ZNG1B: variants seen among roughly 807,000 people sequenced by gnomAD.
The protein encoded by ZNG1B is Zn regulated GTPase metalloprotein activator 1B.
At chr2:113,464,763 G>A in the ZNG1B span, among the ~76,000 whole-genome samples, 3 of 150,630 alleles carry the variant, frequency 2.0e-5, no homozygotes, top group Non-Finnish European at 3.0e-5. Flanking sequence ...AGTGACCACC[G>A]TAAAAATTTT....
At chr2:113,469,961 G>C in the ZNG1B span, 1 of 149,926 alleles carries the variant, frequency 6.7e-6, no homozygotes, top group Non-Finnish European at 1.5e-5. Flanking sequence ...CCTCAGCTTT[G>C]ATTATGAGAA....
At chr2:113,488,189 G>A in the ZNG1B span, among the ~76,000 whole-genome samples, 3 of 152,086 alleles carry the variant, frequency 2.0e-5, no homozygotes, top group African/African-American at 4.8e-5. Flanking sequence ...CACATCTCCC[G>A]ACTCTGTGCA....
At chr2:113,494,959 T>C in the ZNG1B span, 2 of 894,716 alleles carry the variant, frequency 2.2e-6, no homozygotes, top group Non-Finnish European at 2.9e-6. Flanking sequence ...AAGAAACTTC[T>C]TGTAATTCAC....
the ZNG1B span, chr2:113,462,698 G>C: frequency 1.6e-6 from 1 of 615,876 alleles, no homozygotes. Flanking sequence ...GCAGAATATA[G>C]TTCACAGTTA....
At chr2:113,458,108 A>G in the ZNG1B span, among the ~76,000 whole-genome samples, 1 of 151,180 alleles carries the variant, frequency 6.6e-6, no homozygotes, top group Non-Finnish European at 1.5e-5. Flanking sequence ...ATATTTTGCA[A>G]AAATTTTTTC....
chr2:113,490,709 T>A, the ZNG1B span, among the ~76,000 whole-genome samples: 1 of 151,968 alleles, frequency 6.6e-6, no homozygotes, highest in Non-Finnish European at 1.5e-5. Flanking sequence ...CACCTTTACA[T>A]GCATAAACTA....
At chr2:113,439,874 ATTTTTTT>A in the ZNG1B span, among the ~76,000 whole-genome samples, 36 of 68,886 alleles carry the variant, frequency 5.2e-4, 1 homozygote, top group South Asian at 1.8e-3. Flanking sequence ...CCTTCCCTTA[ATTTTTTT>A]TTTTTTTTTT....
At chr2:113,485,908 A>G in the ZNG1B span, among the ~76,000 whole-genome samples, 1 of 152,130 alleles carries the variant, frequency 6.6e-6, no homozygotes, top group Non-Finnish European at 1.5e-5. Context: ...TTTAGAGACA[A>G]TTCCTCATTT....
the ZNG1B span, chr2:113,470,006 T>C: frequency 1.3e-5 from 2 of 149,906 alleles, no homozygotes; most frequent in South Asian, 2.1e-4. Flanking sequence ...TTTTTTTTTT[T>C]CTTTTGAGGC....
At chr2:113,473,950 T>A in the ZNG1B span, among the ~76,000 whole-genome samples, 9 of 147,760 alleles carry the variant, frequency 6.1e-5, no homozygotes, top group East Asian at 1.7e-3. Context: ...AAAATTCTCT[T>A]TTTTGGTTGT....
the ZNG1B span, among the ~76,000 whole-genome samples, chr2:113,477,239 C>G: frequency 6.6e-6 from 1 of 152,144 alleles, no homozygotes; most frequent in African/African-American, 2.4e-5. Context: ...TTTTTAAGCC[C>G]GTCGGAAAAG....
chr2:113,474,089 A>G, the ZNG1B span, among the ~76,000 whole-genome samples: 1 of 151,942 alleles, frequency 6.6e-6, no homozygotes, highest in African/African-American at 2.4e-5. Flanking sequence ...TACCTCTGGT[A>G]GAATTCGGCT....
At chr2:113,455,826 T>C in the ZNG1B span, among the ~76,000 whole-genome samples, 1 of 125,320 alleles carries the variant, frequency 8.0e-6, no homozygotes, top group Non-Finnish European at 1.7e-5. Context: ...GTTCAAGCGA[T>C]TCCCTTGTCT....
the ZNG1B span, chr2:113,437,794 C>T: frequency 3.1e-6 from 5 of 1,593,914 alleles, no homozygotes; most frequent in Non-Finnish European, 4.3e-6. Flanking sequence ...GAGTGGCGTG[C>T]TGGGCGTGCG....
At chr2:113,444,735 GTAT>G in the ZNG1B span, among the ~76,000 whole-genome samples, 135 of 151,962 alleles carry the variant, frequency 8.9e-4, no homozygotes, top group Admixed American at 1.4e-3. Flanking sequence ...TTTTAATAAA[GTAT>G]TATTATGTAT....
the ZNG1B span, among the ~76,000 whole-genome samples, chr2:113,492,120 C>T: frequency 1.4e-5 from 2 of 139,498 alleles, 1 homozygote; most frequent in Non-Finnish European, 3.1e-5. Flanking sequence ...TCATTTGGTC[C>T]AGCAATCCCA....
the ZNG1B span, among the ~76,000 whole-genome samples, chr2:113,451,844 T>TA: frequency 4.2e-4 from 64 of 152,150 alleles, no homozygotes; most frequent in African/African-American, 1.5e-3. Context: ...TTTATTGGAA[T>TA]AAAAATCAAT....
the ZNG1B span, chr2:113,465,024 G>C: frequency 2.8e-6 from 1 of 352,822 alleles, no homozygotes; most frequent in South Asian, 3.1e-5. Flanking sequence ...AGATGTATTT[G>C]GGTATGCTTA....
At chr2:113,461,597 G>T in the ZNG1B span, among the ~76,000 whole-genome samples, 1 of 151,556 alleles carries the variant, frequency 6.6e-6, no homozygotes. Context: ...AAAATTGAAA[G>T]AATTTCCAGT....
Sources: allele counts gnomAD v4.1 joint callset (sites outside exome capture counted in the v4.1 genomes callset), GRCh38; gene constraint gnomAD v4.1.1; transcripts MANE v1.5; gene names NCBI Gene and HGNC (gene_info 2026-07-23, HGNC 2026-07-21).